NRG4: variants seen among roughly 807,000 people sequenced by gnomAD.
The protein encoded by NRG4 is neuregulin 4, also known as pro-neuregulin-4, membrane-bound isoform.
Under a neutral mutation model 15.0 loss-of-function variants are expected in NRG4, and 10 were observed. The observed-to-expected ratio is 0.67, with a 90% CI of 0.41 to 1.13. The LOEUF (loss-of-function observed/expected upper bound fraction) is 1.13, where lower values mean the gene tolerates loss of function less well. NRG4 is among the 50% of genes most tolerant of loss of function. The pLI is 0.00. For missense variants in NRG4, 139 were observed against 140.2 expected (o/e 0.99, Z 0.04); for synonymous variants, 41 against 50.1 (o/e 0.82, Z 0.77).
chr15:76,046,599 G>C (rs545751066), intron 4 of NRG4, among the ~76,000 whole-genome samples: 2 of 151,224 alleles, frequency 1.3e-5, no homozygotes, highest in South Asian at 4.2e-4. Context: ...CATACAATGG[G>C]GAAAGGTTAC....
intron 2 of NRG4, among the ~76,000 whole-genome samples, chr15:76,010,002 A>G (rs1372086825): frequency 6.6e-6 from 1 of 151,916 alleles, no homozygotes; most frequent in Non-Finnish European, 1.5e-5. Flanking sequence ...CTCTTTCCTC[A>G]GCCTCATCTT....
intron 4 of NRG4, among the ~76,000 whole-genome samples, chr15:76,042,607 T>C (rs912101536): frequency 6.6e-6 from 1 of 151,704 alleles, no homozygotes; most frequent in Non-Finnish European, 1.5e-5. Flanking sequence ...GATTCAACCA[T>C]GAAGAAATCC....
At chr15:76,030,011 C>T (rs150159509) in intron 5 of NRG4, among the ~76,000 whole-genome samples, 1,823 of 152,212 alleles carry the variant, frequency 0.012, 23 homozygotes, top group Non-Finnish European at 0.018. Flanking sequence ...GTAATCCCAG[C>T]ACTTTGGGAG....
chr15:75,972,913 C>T (rs973735847), intron 3 of NRG4, among the ~76,000 whole-genome samples: 1 of 152,120 alleles, frequency 6.6e-6, no homozygotes, highest in Non-Finnish European at 1.5e-5. Flanking sequence ...TGAAGAAAGT[C>T]AATGGTAGCT....
chr15:76,023,272 G>T (rs891657671), intron 5 of NRG4, among the ~76,000 whole-genome samples: 1 of 149,800 alleles, frequency 6.7e-6, no homozygotes, highest in African/African-American at 2.4e-5. Flanking sequence ...GAGTGGGGAG[G>T]TACCTATAGT....
chr15:75,999,337 C>T (rs2034323135), intron 3 of NRG4, among the ~76,000 whole-genome samples: 1 of 152,124 alleles, frequency 6.6e-6, no homozygotes, highest in South Asian at 2.1e-4. Flanking sequence ...GAAACATAAT[C>T]TCCATTGTGC....
chr15:75,951,163 C>CTTTTTTTTTTTTTTTTTTTTTTTTTTCTT (rs5813813), intron 5 of NRG4: 1 of 90,550 alleles, frequency 1.1e-5, no homozygotes, highest in Non-Finnish European at 1.9e-5. Flanking sequence ...TTTCTTTTTT[C>CTTTTTTTTTTTTTTTTTTTTTTTTTTCTT]TTTTTTTTTT....
chr15:76,011,884 A>G (rs55665712), intron 1 of NRG4: 2 of 152,004 alleles, frequency 1.3e-5, no homozygotes, highest in African/African-American at 4.8e-5. Context: ...TGTTAACCCC[A>G]CACACACACA....
intron 2 of NRG4, among the ~76,000 whole-genome samples, chr15:76,009,987 C>T (rs1499062): frequency 6.6e-6 from 1 of 152,014 alleles, no homozygotes; most frequent in African/African-American, 2.4e-5. Flanking sequence ...TCTTTTCTCT[C>T]TTTCCTCTTT....
intron 5 of NRG4, among the ~76,000 whole-genome samples, chr15:76,023,464 C>T (rs562174516): frequency 6.6e-6 from 1 of 152,294 alleles, no homozygotes; most frequent in Admixed American, 6.5e-5. Context: ...TGCCCACAGT[C>T]CTTACTACAG....
intron 5 of NRG4, chr15:75,950,439 T>C (rs1595944568): frequency 7.6e-6 from 1 of 131,438 alleles, no homozygotes; most frequent in South Asian, 1.2e-4. Context: ...CAGTCGAGCC[T>C]CTCTACAGAT....
At chr15:75,978,635 G>A (rs1219734473) in intron 3 of NRG4, among the ~76,000 whole-genome samples, 1 of 152,082 alleles carries the variant, frequency 6.6e-6, no homozygotes, top group African/African-American at 2.4e-5. Context: ...TTTCCATAGT[G>A]GCTGTACTAG....
intron 5 of NRG4, among the ~76,000 whole-genome samples, chr15:76,026,940 G>A (rs2035333037): frequency 1.3e-5 from 2 of 152,188 alleles, no homozygotes; most frequent in Admixed American, 6.5e-5. Context: ...GGCTAACATG[G>A]TGAAACCCCA....
upstream of NRG4, among the ~76,000 whole-genome samples, chr15:76,017,155 C>CTTTTTTTTTTTTTTTTT (rs66838505): frequency 5.5e-4 from 29 of 52,320 alleles, 1 homozygote; most frequent in East Asian, 8.9e-4. Flanking sequence ...CAACCCCTGC[C>CTTTTTTTTTTTTTTTTT]TTTTTTTTTT....
chr15:75,979,910 CT>C (rs2141849408), intron 3 of NRG4, among the ~76,000 whole-genome samples: 1 of 152,218 alleles, frequency 6.6e-6, no homozygotes, highest in African/African-American at 2.4e-5. Flanking sequence ...GTAACTGAAC[CT>C]TCTTTGTTAG....
At chr15:76,013,124 CATT>C (rs1253844399), upstream of NRG4, among the ~76,000 whole-genome samples, 1 of 152,150 alleles carries the variant, frequency 6.6e-6, no homozygotes, top group African/African-American at 2.4e-5. Context: ...ACAATTCAGA[CATT>C]ATTACTTGAC....
At chr15:75,962,166 A>G (rs12910576) in intron 3 of NRG4, among the ~76,000 whole-genome samples, 192 bp from the exon 4 acceptor site, 18,827 of 152,240 alleles carry the variant, frequency 0.12, 1,622 homozygotes, top group Admixed American at 0.27. Flanking sequence ...TTGTTATAAT[A>G]AAACAATTTT....
At position 75,947,310 on chromosome 15, in the gene NRG4, A is replaced by G. The variant is rs149017286; in HGVS notation, c.332-3656T>C. Among the ~76,000 whole-genome samples, 257 of 152,294 alleles carry G rather than the reference A, an allele frequency of 1.7e-3. 2 individuals are homozygous for G. Among genetic ancestry groups the G allele is most frequent in the African/African-American group, 5.3e-3 (222 of 41,554 alleles). On this transcript the variant is annotated intron_variant, in intron 5 of 5. Coordinates refer to ENST00000394907, the MANE Select transcript of NRG4 (RefSeq NM_138573.4). The stretch of plus-strand genomic sequence containing the variant: ...ATGTGCACCCAGAGGACCAGCCAAA[A>G]CATGCTTACTAGTAACAGCTCTTCC...
upstream of NRG4, among the ~76,000 whole-genome samples, chr15:76,016,578 C>A (rs2141920317): frequency 6.6e-6 from 1 of 152,094 alleles, no homozygotes; most frequent in East Asian, 1.9e-4. Flanking sequence ...TTATTTCTGC[C>A]TTAATTTCGT....
Sources: allele counts gnomAD v4.1 joint callset (sites outside exome capture counted in the v4.1 genomes callset), GRCh38; gene constraint gnomAD v4.1.1; transcripts MANE v1.5; gene names NCBI Gene and HGNC (gene_info 2026-07-23, HGNC 2026-07-21).